MACROD2: variants seen among roughly 807,000 people sequenced by gnomAD.
MACROD2 encodes the protein ADP-ribose glycohydrolase MACROD2.
Under a neutral mutation model 70.4 loss-of-function variants are expected in MACROD2, and 36 were observed. The observed-to-expected ratio is 0.51, with a 90% CI of 0.39 to 0.68. The LOEUF (loss-of-function observed/expected upper bound fraction) is 0.68, where lower values mean the gene tolerates loss of function less well. MACROD2 is among the 30% of genes least tolerant of loss of function. MACROD2 has a pLI of 0.00. For synonymous variants in MACROD2, 172 were observed against 178.8 expected, an observed-to-expected ratio of 0.96 and a Z score of 0.30; for missense variants, 496 against 538.4, an observed-to-expected ratio of 0.92 and a Z score of 0.78.
chr20:15,004,182 TTCAAC>T, intron 5 of MACROD2, among the ~76,000 whole-genome samples: 1 of 152,346 alleles, frequency 6.6e-6, no homozygotes, highest in Non-Finnish European at 1.5e-5. Context: ...ATTAAACTCT[TTCAAC>T]TACCATGCCA....
rs79437512 is a variant in MACROD2 at position 14,727,694 on chromosome 20, G to A, written c.418+42735G>A. Among the ~76,000 whole-genome samples the A allele has an allele frequency of 7.0e-3, 1,063 of 152,194 alleles. 50 individuals are homozygous for A. In the East Asian group the frequency reaches 0.11, roughly 16 times the overall value. On this transcript the variant is annotated intron_variant, in intron 5 of 17. Coordinates refer to ENST00000684519, the MANE Select transcript of MACROD2 (RefSeq NM_001351661.2). ...TTCAAAGGAATTTCAAATATGTTACGTCATTTGATCTCAGTAAGATTTTTG... is the reference window on the plus strand; with the variant it reads ...TTCAAAGGAATTTCAAATATGTTACATCATTTGATCTCAGTAAGATTTTTG...
At chr20:15,802,258 C>T (rs1353388104) in intron 8 of MACROD2, among the ~76,000 whole-genome samples, 1 of 152,124 alleles carries the variant, frequency 6.6e-6, no homozygotes, top group African/African-American at 2.4e-5. Context: ...TGGTGAAAGT[C>T]ATCTTCCTAT....
intron 7 of MACROD2, among the ~76,000 whole-genome samples, chr20:15,431,982 A>G (rs746656141): frequency 6.6e-6 from 1 of 152,056 alleles, no homozygotes; most frequent in African/African-American, 2.4e-5. Flanking sequence ...TACAGATGGA[A>G]GCAAAATGTT....
chr20:14,677,414 A>G lies in MACROD2; in HGVS notation c.302-7429A>G, dbSNP rs148581309. Among the ~76,000 whole-genome samples, 389 of 152,340 alleles carry G rather than the reference A, an allele frequency of 2.6e-3. 1 individual carries two copies. Among genetic ancestry groups the G allele is most frequent in the African/African-American group, 8.7e-3 (363 of 41,580 alleles). On this transcript the variant is annotated intron_variant, in intron 4 of 17. Transcript: ENST00000684519. ...ATTCTTTAGGCTATAGTCTAAGGAA[A>G]GCTAACCAAGATAGCCTAATTAATA...
chr20:15,512,305 T>C (rs963622355), intron 8 of MACROD2, among the ~76,000 whole-genome samples: 2 of 152,262 alleles, frequency 1.3e-5, no homozygotes, highest in African/African-American at 4.8e-5. Context: ...TGGCACCCTG[T>C]AAACAGTAGA....
chr20:14,925,416 T>G (rs573458810), intron 5 of MACROD2, among the ~76,000 whole-genome samples: 1 of 152,322 alleles, frequency 6.6e-6, no homozygotes, highest in South Asian at 2.1e-4. Flanking sequence ...GGTGCTATTT[T>G]GTAATGAGAA....
chr20:14,326,244 A>G lies in MACROD2; in HGVS notation c.272-167235A>G. On this transcript the variant is annotated intron_variant, in intron 3 of 17. Coordinates refer to ENST00000684519, the MANE Select transcript of MACROD2 (RefSeq NM_001351661.2). The surrounding 1 kb of genome is among the most constrained non-coding windows in gnomAD (Gnocchi z 5.5). ...CAAGTTTCCAAGAGATATGAATGGT[A>G]TCAGAGGTGACAGACTTCACAGTAA... 1 of 1,613,942 alleles carries G rather than the reference A, an allele frequency of 6.2e-7. No individual in the cohort carries two copies. Among genetic ancestry groups the G allele is most frequent in the Non-Finnish European group, 8.5e-7 (1 of 1,179,860 alleles).
chr20:15,785,086 A>AG (rs1732622953), intron 8 of MACROD2, among the ~76,000 whole-genome samples: 1 of 148,350 alleles, frequency 6.7e-6, no homozygotes, highest in East Asian at 2.0e-4. Context: ...CGGGAGGCGG[A>AG]GCTTGCGGTG....
chr20:15,049,179 G>A (rs959284222), intron 5 of MACROD2, among the ~76,000 whole-genome samples: 1 of 151,526 alleles, frequency 6.6e-6, no homozygotes, highest in African/African-American at 2.4e-5. Flanking sequence ...TTTATGATGT[G>A]GAATGATAAA....
chr20:15,638,029 G>T (rs1382791146), intron 8 of MACROD2, among the ~76,000 whole-genome samples: 1 of 152,148 alleles, frequency 6.6e-6, no homozygotes, highest in Non-Finnish European at 1.5e-5. Context: ...GGAAGGCCCA[G>T]AATTTTTTTT....
intron 6 of MACROD2, among the ~76,000 whole-genome samples, chr20:15,250,552 A>G (rs976550671): frequency 3.3e-5 from 5 of 152,212 alleles, no homozygotes; most frequent in African/African-American, 1.2e-4. Context: ...AAATGTAAGA[A>G]TGTATGTGAA....
chr20:15,030,461 G>A (rs1343976385), intron 5 of MACROD2, among the ~76,000 whole-genome samples: 1 of 152,078 alleles, frequency 6.6e-6, no homozygotes, highest in Non-Finnish European at 1.5e-5. Context: ...GTAAAATTTT[G>A]AGGCATGTTC....
chr20:14,897,795 A>G (rs2073848218), intron 5 of MACROD2, among the ~76,000 whole-genome samples: 1 of 152,178 alleles, frequency 6.6e-6, no homozygotes, highest in Non-Finnish European at 1.5e-5. Context: ...TGGGAAGTCC[A>G]AGAACAAGGT....
intron 8 of MACROD2, among the ~76,000 whole-genome samples, chr20:15,599,099 G>C (rs6079900): frequency 0.062 from 9,507 of 152,138 alleles, 497 homozygotes; most frequent in East Asian, 0.2. Context: ...TTTAAATTGA[G>C]GCCGGCCGTG....
intron 8 of MACROD2, among the ~76,000 whole-genome samples, chr20:15,534,979 T>C (rs914187751): frequency 6.6e-6 from 1 of 151,960 alleles, no homozygotes; most frequent in Non-Finnish European, 1.5e-5. Context: ...AAAAAACATA[T>C]ATATATGTTT....
chr20:15,298,049 A>G (rs1362189285), intron 6 of MACROD2, among the ~76,000 whole-genome samples: 2 of 152,204 alleles, frequency 1.3e-5, no homozygotes, highest in Non-Finnish European at 2.9e-5. Context: ...TGGGGGCCAG[A>G]TAAAGGATAT....
At chr20:14,068,111 C>T (rs528859372) in intron 2 of MACROD2, among the ~76,000 whole-genome samples, 61 of 152,316 alleles carry the variant, frequency 4.0e-4, no homozygotes, top group African/African-American at 1.2e-3. Flanking sequence ...CGCTCTCATG[C>T]GCATGATTTT....
intron 5 of MACROD2, among the ~76,000 whole-genome samples, chr20:14,981,719 A>G (rs983484021): frequency 9.2e-5 from 14 of 152,128 alleles, no homozygotes; most frequent in Non-Finnish European, 1.8e-4. Context: ...ACCTTCCACC[A>G]TGATTGTGAG....
intron 3 of MACROD2, among the ~76,000 whole-genome samples, chr20:14,276,658 C>T (rs576061248): frequency 6.6e-6 from 1 of 151,964 alleles, no homozygotes; most frequent in African/African-American, 2.4e-5. Context: ...TAAGACACTT[C>T]ATTATGCTAT....
Sources: allele counts gnomAD v4.1 joint callset (sites outside exome capture counted in the v4.1 genomes callset), GRCh38; gene constraint gnomAD v4.1.1; non-coding constraint Gnocchi (gnomAD v3.1); transcripts MANE v1.5; gene names NCBI Gene and HGNC (gene_info 2026-07-23, HGNC 2026-07-21).